CELF4: variants seen among roughly 807,000 people sequenced by gnomAD.
CELF4 encodes the protein CUGBP Elav-like family member 4, also known as CUG-BP- and ETR-3-like factor 4.
CELF4 carries 18 observed loss-of-function variants against 59.9 expected under a neutral mutation model. The observed-to-expected ratio is 0.30, with a 90% CI of 0.21 to 0.45. The LOEUF is 0.45. CELF4 is among the 20% of genes least tolerant of loss of function. CELF4 has a pLI of 1.00. For missense variants in CELF4, 456 were observed against 689.0 expected (o/e 0.66, Z 3.79); for synonymous variants, 261 against 267.1 (o/e 0.98, Z 0.22).
intron 2 of CELF4, among the ~76,000 whole-genome samples, chr18:37,369,783 A>G (rs574836012): frequency 6.6e-6 from 1 of 152,324 alleles, no homozygotes; most frequent in South Asian, 2.1e-4. Context: ...TTTCTGTTCC[A>G]GCCAGGCCAG....
At chr18:37,291,057 G>A (rs2095301520) in intron 3 of CELF4, among the ~76,000 whole-genome samples, 1 of 152,164 alleles carries the variant, frequency 6.6e-6, no homozygotes, top group Admixed American at 6.5e-5. Flanking sequence ...TTACAGGCAT[G>A]TGCCACGATG....
At chr18:37,486,257 A>C (rs932208389) in intron 1 of CELF4, among the ~76,000 whole-genome samples, 49 of 152,114 alleles carry the variant, frequency 3.2e-4, no homozygotes, top group African/African-American at 8.7e-4. Flanking sequence ...GACTTACAGC[A>C]CTAGACCACC....
At chr18:37,350,019 G>A (rs1480314727) in intron 2 of CELF4, among the ~76,000 whole-genome samples, 1 of 152,180 alleles carries the variant, frequency 6.6e-6, no homozygotes, top group Non-Finnish European at 1.5e-5. Context: ...AGGAGGAGGA[G>A]AGATAAGCAG....
intron 2 of CELF4, among the ~76,000 whole-genome samples, chr18:37,369,364 C>G (rs1177293682): frequency 6.6e-6 from 1 of 152,144 alleles, no homozygotes; most frequent in Non-Finnish European, 1.5e-5. Flanking sequence ...GCTACAGTAT[C>G]TTCTAGAGGA....
At chr18:37,380,819 CCAT>C (rs989027503) in intron 2 of CELF4, among the ~76,000 whole-genome samples, 1 of 151,414 alleles carries the variant, frequency 6.6e-6, no homozygotes, top group Non-Finnish European at 1.5e-5. Context: ...ATCCATCCAT[CCAT>C]CATCTATCCT....
Position 37,466,614 on chromosome 18 carries a change from C to G in CELF4, c.369+18911G>C, listed in dbSNP as rs555198735. Among the ~76,000 whole-genome samples, 14 of 152,308 alleles carry G rather than the reference C, an allele frequency of 9.2e-5. No individual in the cohort carries two copies. In the South Asian group the frequency reaches 2.9e-3, roughly 32 times the overall value. On this transcript the variant is annotated intron_variant, in intron 2 of 12. Transcript: ENST00000420428. ...CACCCACAGCATTTCAATAGCCTCA[C>G]AGCTACTGAGAACTTAGGAGGTCAG...
chr18:37,372,562 A>G (rs566178009), intron 2 of CELF4, among the ~76,000 whole-genome samples: 1 of 152,184 alleles, frequency 6.6e-6, no homozygotes, highest in South Asian at 2.1e-4. Flanking sequence ...TGCACACCAA[A>G]ATGGCACATG....
chr18:37,394,481 C>T (rs187015517), intron 2 of CELF4, among the ~76,000 whole-genome samples: 126 of 152,292 alleles, frequency 8.3e-4, no homozygotes, highest in Non-Finnish European at 1.3e-3. Flanking sequence ...GGAGGTGGAG[C>T]GTGTGATGAG....
intron 3 of CELF4, among the ~76,000 whole-genome samples, chr18:37,304,156 A>G (rs894130183): frequency 6.6e-6 from 1 of 152,092 alleles, no homozygotes; most frequent in Non-Finnish European, 1.5e-5. Context: ...CCAACTTACA[A>G]ACCCACGCAA....
intron 1 of CELF4, among the ~76,000 whole-genome samples, chr18:37,514,901 T>C (rs1220127612): frequency 2.0e-5 from 3 of 152,146 alleles, no homozygotes. Context: ...ATAAATTATA[T>C]AAATTACAGC....
At chr18:37,412,037 T>G (rs1016896720) in intron 2 of CELF4, among the ~76,000 whole-genome samples, 5 of 152,234 alleles carry the variant, frequency 3.3e-5, no homozygotes, top group African/African-American at 4.8e-5. Context: ...TTTTCTTTAT[T>G]TTCTTCCCTC....
rs531195242 is a variant in CELF4 at position 37,513,151 on chromosome 18, T to A, written c.287-27544A>T. ...CACCTGGTCCAGTCATGTGTGGTGC[T>A]GCTGCGGGAACTGAGAATGGAACAA... On this transcript the variant is annotated intron_variant, in intron 1 of 12. Coordinates refer to ENST00000420428, the MANE Select transcript of CELF4 (RefSeq NM_020180.4). Among the ~76,000 whole-genome samples the A allele has an allele frequency of 2.4e-4, 36 of 152,352 alleles. 1 individual carries two copies. The South Asian group carries it at 7.5e-3, about 32-fold the overall frequency.
At chr18:37,519,715 C>T (rs1157373480) in intron 1 of CELF4, among the ~76,000 whole-genome samples, 1 of 152,216 alleles carries the variant, frequency 6.6e-6, no homozygotes, top group Non-Finnish European at 1.5e-5. Flanking sequence ...GTGGCCTGGG[C>T]CTTGGCTCGC....
chr18:37,528,962 C>T (rs2154604979), intron 1 of CELF4: 1 of 152,202 alleles, frequency 6.6e-6, no homozygotes, highest in South Asian at 2.1e-4. Context: ...AGCAAACAAA[C>T]CATCTACTCT....
chr18:37,289,224 A>C (rs1434767881), intron 3 of CELF4, among the ~76,000 whole-genome samples: 1 of 151,940 alleles, frequency 6.6e-6, no homozygotes, highest in Non-Finnish European at 1.5e-5. Context: ...CAGCAGGAAG[A>C]GTTTGCCATG....
At position 37,485,531 on chromosome 18, in the gene CELF4, CAG is replaced by C; in HGVS notation, c.361_362del (p.Leu121AlafsTer20). The C allele has an allele frequency of 7.2e-7, 1 of 1,391,138 alleles. No individual in the cohort carries two copies. Among genetic ancestry groups the C allele is most frequent in the Non-Finnish European group, 9.4e-7 (1 of 1,060,370 alleles). The allele number at this position is 1,391,138 out of a possible 1,614,324, so 86.2% of individuals were successfully genotyped here. A position where few individuals can be genotyped will look rare whatever the true frequency, so the allele number is the denominator to read the frequency against. The part of the protein sequence containing the change: ...AQSALHEQKT[L>X]PGMNRPIQVK... ...CACGGCGGGCGCCACTTACCCCGGG[CAG>C]AGTCTTCTGCTCGTGCAGCGCGCTC... On this transcript the variant is annotated frameshift_variant, in exon 2 of 13. Coordinates refer to ENST00000420428, the MANE Select transcript of CELF4 (RefSeq NM_020180.4). LOFTEE classifies it high-confidence loss of function.
intron 2 of CELF4, among the ~76,000 whole-genome samples, chr18:37,417,584 G>A (rs1261642894): frequency 6.6e-6 from 1 of 152,224 alleles, no homozygotes; most frequent in Non-Finnish European, 1.5e-5. Context: ...GTGATCCAGT[G>A]AGGTGCTTCT....
At chr18:37,559,381 G>T (rs2099985877) in intron 1 of CELF4, among the ~76,000 whole-genome samples, 1 of 152,020 alleles carries the variant, frequency 6.6e-6, no homozygotes, top group South Asian at 2.1e-4. Context: ...AGACACATAG[G>T]TTTTCACACC....
At chr18:37,471,743 C>A (rs900685340) in intron 2 of CELF4, among the ~76,000 whole-genome samples, 2 of 152,166 alleles carry the variant, frequency 1.3e-5, no homozygotes, top group East Asian at 3.9e-4. Flanking sequence ...GGGTTCTTGC[C>A]CTCTACTCAC....
Sources: gnomAD v4.1 joint callset for allele counts (sites outside exome capture counted in the v4.1 genomes callset) on GRCh38, gnomAD v4.1.1 for gene constraint, MANE v1.5 for transcripts, NCBI Gene and HGNC (gene_info 2026-07-23, HGNC 2026-07-21) for gene names.